Variants in CD36 observed in about 807,000 individuals in gnomAD.
CD36 encodes CD36 molecule (CD36 blood group).
In CD36, 119 loss-of-function variants were observed where a neutral mutation model predicts 55.2. The observed-to-expected ratio is 2.15, with a 90% CI of 1.86 to 2.51. CD36 has a LOEUF of 2.51. CD36 is among the 30% of genes most tolerant of loss of function. The probability of loss-of-function intolerance (pLI) is 0.00; values close to 1 mark genes in which losing one functional copy is unlikely to be tolerated. For missense variants in CD36, 819 were observed against 555.5 expected, an observed-to-expected ratio of 1.47 and a Z score of -4.77; for synonymous variants, 186 against 193.6, an observed-to-expected ratio of 0.96 and a Z score of 0.33.
chr7:80,662,921 A>C, intron 5 of CD36, 69 bp from the exon 6 acceptor site: 1 of 1,247,878 alleles, frequency 8.0e-7, no homozygotes, highest in Non-Finnish European at 1.2e-6. Flanking sequence ...CAATATTAGC[A>C]TTTAATCCAT....
chr7:80,615,485 A>G (rs1793099146), intron 1 of CD36, among the ~76,000 whole-genome samples: 1 of 152,036 alleles, frequency 6.6e-6, no homozygotes, highest in Non-Finnish European at 1.5e-5. Flanking sequence ...TTCTGCTTCT[A>G]TTGCCCTTTT....
rs75326924 is a variant in CD36, at chr7:80,656,687, C to T, written c.268C>T (p.Pro90Ser). 1,351 of 1,613,448 alleles carry T rather than the reference C, an allele frequency of 8.4e-4. 38 individuals are homozygous for T. In the East Asian group the frequency reaches 0.03, roughly 36 times the overall value. The change falls in exon 4 of 15, where the codon CCT (proline) becomes TCT (serine). Residue 90 changes from proline (P) to serine (S), a missense_variant. By Grantham distance (74) the Pro-to-Ser change is moderately conservative. Transcript: ENST00000447544. ...CAACATTCAAGTTAAGCAAAGAGGT[C>T]CTTATACGTACAGGTGAGTGAGTCC... ...SSNIQVKQRG[P>S]YTYRVRFLAK...
rs117684347 is a variant in CD36, at chr7:80,662,974, G to T, written c.430-16G>T. The T allele has an allele frequency of 1.2e-3, 1,916 of 1,594,174 alleles. 5 individuals carry two copies. Among genetic ancestry groups the T allele is most frequent in the Non-Finnish European group, 1.6e-3 (1,809 of 1,162,802 alleles). On this transcript the variant is annotated splice_polypyrimidine_tract_variant and intron_variant, in intron 5 of 14. Coordinates refer to ENST00000447544, the MANE Select transcript of CD36 (RefSeq NM_001001548.3). Reference sequence around the variant, plus strand: ...ATATTGTATTCTTGTCTTAAACAGTGACTTTGTTTTTGTAGGCTGCATCCC... The same window carrying T: ...ATATTGTATTCTTGTCTTAAACAGTTACTTTGTTTTTGTAGGCTGCATCCC...
Position 80,673,349 on chromosome 7 carries a change from T to A in CD36, c.1200-6T>A. The A allele has an allele frequency of 7.5e-7, 1 of 1,333,856 alleles. No individual in the cohort carries two copies. Among genetic ancestry groups the A allele is most frequent in the Non-Finnish European group, 1.1e-6 (1 of 928,778 alleles). The allele number at this position is 1,333,856 out of a possible 1,614,324, so 82.6% of individuals were successfully genotyped here. A position where few individuals can be genotyped will look rare whatever the true frequency, so the allele number is the denominator to read the frequency against. On this transcript the variant is annotated splice_polypyrimidine_tract_variant and splice_region_variant and intron_variant, in intron 12 of 14. Transcript: ENST00000447544. Reference sequence around the variant, plus strand: ...TGTTCATAATTATTTTCAACGTATATTACAGAGTATTAAAGAATCTGAAGA... The same window carrying A: ...TGTTCATAATTATTTTCAACGTATAATACAGAGTATTAAAGAATCTGAAGA...
intron 14 of CD36, among the ~76,000 whole-genome samples, chr7:80,675,342 A>AAAAAACTTGTCCT (rs1400611277): frequency 6.6e-6 from 1 of 152,152 alleles, no homozygotes; most frequent in African/African-American, 2.4e-5. Flanking sequence ...CAAAATAACA[A>AAAAAACTTGTCCT]AAAAACTTGT....
At position 80,666,452 on chromosome 7, in the gene CD36, C is replaced by CT. The variant is rs750858271; in HGVS notation, c.712dup (p.Tyr238LeufsTer10). 3 of 1,602,860 alleles carry CT rather than the reference C, an allele frequency of 1.9e-6. No homozygotes were observed. In the South Asian group the frequency reaches 3.3e-5, roughly 18 times the overall value. ...CTTTTTCTATTCCTAGGAATCTGTC[C>CT]TATTGGGAAAGTCACTGCGACATGA... On this transcript the variant is annotated frameshift_variant, in exon 8 of 15. Transcript: ENST00000447544. LOFTEE classifies it high-confidence loss of function.
intron 1 of CD36, among the ~76,000 whole-genome samples, chr7:80,629,797 T>C (rs1191910080): frequency 6.6e-6 from 1 of 152,012 alleles, no homozygotes; most frequent in East Asian, 1.9e-4. Flanking sequence ...ACATACACCT[T>C]AACACTCATG....
chr7:80,650,560 T>C (rs183040961), intron 3 of CD36, among the ~76,000 whole-genome samples: 1 of 152,262 alleles, frequency 6.6e-6, no homozygotes, highest in Admixed American at 6.5e-5. Context: ...TGTGTACCAT[T>C]AAAACTCATT....
intron 4 of CD36, 130 bp from the exon 5 acceptor site, chr7:80,660,933 C>T: frequency 2.7e-6 from 2 of 748,388 alleles, no homozygotes; most frequent in South Asian, 3.1e-5. Context: ...CATTTTAACA[C>T]CATTGCTTAC....
At chr7:80,646,629 T>C in intron 2 of CD36, 23 bp from the exon 3 acceptor site, 1 of 1,299,210 alleles carries the variant, frequency 7.7e-7, no homozygotes, top group Non-Finnish European at 1.1e-6. Context: ...AGCTTCTGTT[T>C]TATGATCTCT....
At chr7:80,632,260 T>TAAA (rs200544591) in intron 1 of CD36, among the ~76,000 whole-genome samples, 3 of 139,490 alleles carry the variant, frequency 2.2e-5, no homozygotes, top group Non-Finnish European at 4.7e-5. Flanking sequence ...CTTCTCCATT[T>TAAA]AAAAAAAAAA....
upstream of CD36, among the ~76,000 whole-genome samples, chr7:80,637,298 A>G (rs1229926146): frequency 1.3e-5 from 2 of 152,086 alleles, no homozygotes; most frequent in African/African-American, 2.4e-5. Context: ...ACCATTTTAT[A>G]TCGTGCCACC....
At chr7:80,667,414 T>G (rs1240605206) in intron 8 of CD36, among the ~76,000 whole-genome samples, 1 of 125,238 alleles carries the variant, frequency 8.0e-6, no homozygotes, top group Admixed American at 1.0e-4. Context: ...TGGGCAATAG[T>G]GTGAGACCCT....
chr7:80,619,161 T>C (rs973978026), intron 1 of CD36, among the ~76,000 whole-genome samples: 1 of 152,308 alleles, frequency 6.6e-6, no homozygotes, highest in South Asian at 2.1e-4. Flanking sequence ...CAACAAAGCC[T>C]GGATGCCAGC....
intron 1 of CD36, among the ~76,000 whole-genome samples, chr7:80,603,500 G>C (rs1275395413): frequency 6.6e-6 from 1 of 152,074 alleles, no homozygotes; most frequent in African/African-American, 2.4e-5. Flanking sequence ...AACCTATCTT[G>C]TTTTCAGGTG....
intron 3 of CD36, among the ~76,000 whole-genome samples, chr7:80,648,126 A>C (rs538111514): frequency 7.2e-5 from 11 of 152,170 alleles, no homozygotes; most frequent in African/African-American, 2.6e-4. Context: ...TGGAATTCTT[A>C]GTTTTCTTGA....
At chr7:80,673,238 A>T in intron 12 of CD36, 117 bp from the exon 13 acceptor site, 1 of 583,540 alleles carries the variant, frequency 1.7e-6, no homozygotes, top group Non-Finnish European at 3.0e-6. Context: ...TAAATGAGTC[A>T]TTACAGGAAC....
intron 8 of CD36, among the ~76,000 whole-genome samples, chr7:80,667,740 TTCTTTTG>T (rs1271523566): frequency 1.5e-5 from 2 of 132,090 alleles, no homozygotes; most frequent in African/African-American, 2.7e-5. Flanking sequence ...TGCAGGGGTT[TTCTTTTG>T]TTTTTTTTTT....
intron 1 of CD36, among the ~76,000 whole-genome samples, chr7:80,609,871 G>A (rs1365962340): frequency 6.6e-6 from 1 of 152,168 alleles, no homozygotes; most frequent in East Asian, 1.9e-4. Flanking sequence ...ATCTGTTGGT[G>A]AAGGGAGCCA....
Sources: allele counts gnomAD v4.1 joint callset (sites outside exome capture counted in the v4.1 genomes callset), GRCh38; gene constraint gnomAD v4.1.1; transcripts MANE v1.5; gene names NCBI Gene and HGNC (gene_info 2026-07-23, HGNC 2026-07-21).